XPNPEP2: variants seen among roughly 807,000 people sequenced by gnomAD.
The protein encoded by XPNPEP2 is X-prolyl aminopeptidase 2, also known as xaa-Pro aminopeptidase 2.
Under a neutral mutation model 59.8 loss-of-function variants are expected in XPNPEP2, and 64 were observed. The ratio of observed to expected loss-of-function variants is 1.07; its 90% confidence interval spans 0.87 to 1.32. XPNPEP2 has a LOEUF of 1.32. XPNPEP2 is among the 40% of genes most tolerant of loss of function. The pLI is 0.00. For synonymous variants in XPNPEP2, 235 were observed against 210.0 expected (o/e 1.12, Z -1.03); for missense variants, 575 against 546.8 (o/e 1.05, Z -0.51).
Position 129,755,372 on chromosome X carries a change from G to A in XPNPEP2, c.1295+1G>A. 1 of 1,210,345 alleles carries A rather than the reference G, an allele frequency of 8.3e-7. No individual in the cohort carries two copies. Among genetic ancestry groups the A allele is most frequent in the Non-Finnish European group, 1.1e-6 (1 of 894,454 alleles). ...TGAATGCTGCCCTGGCCCACTACAG[G>A]TACTTGAGGAAAAAGAATTTTCTAG... is the stretch of plus-strand genomic sequence containing the variant. On this transcript the variant is annotated splice_donor_variant, in intron 13 of 20. Transcript: ENST00000371106. LOFTEE classifies it high-confidence loss of function.
intron 8 of XPNPEP2, 40 bp from the exon 9 acceptor site, chrX:129,751,705 C>G (rs778427044): frequency 1.8e-6 from 2 of 1,126,581 alleles, no homozygotes; most frequent in Admixed American, 4.4e-5. Flanking sequence ...TTGCCTCAGG[C>G]AGATCAGCAT....
rs775292549 is a variant in XPNPEP2 at position 129,768,324 on chromosome X, C to T, written c.1864C>T (p.Arg622Trp). ...CCTGAATCGCTACTACCAGACCATC[C>T]GGGAGAAGGTGGGTCCAGAGCTGCA... ...QYLNRYYQTI[R>W]EKVGPELQRR... is the part of the protein sequence containing the mutation. Residue 622 changes from arginine to tryptophan, a missense_variant, in exon 21 of 21, where the codon CGG becomes TGG. Physicochemically the swap from Arg to Trp is moderately radical, Grantham distance 101. Coordinates refer to ENST00000371106, the MANE Select transcript of XPNPEP2 (RefSeq NM_003399.6). 13 of 1,193,825 alleles carry T rather than the reference C, an allele frequency of 1.1e-5. No individual in the cohort carries two copies. The highest frequency in any genetic ancestry group is 2.3e-4 in the Middle Eastern group (1 of 4,284).
rs147270890 is a variant in XPNPEP2, at chrX:129,739,194, C to T, written c.-20C>T. On this transcript the variant is annotated 5_prime_UTR_variant, in exon 1 of 21. Transcript: ENST00000371106. Reference sequence around the variant, plus strand: ...CTCCCTTGTCCCTCCATCCACCCAGCGCCGGCATCTGGAGACCCTATGGCC... The same window carrying T: ...CTCCCTTGTCCCTCCATCCACCCAGTGCCGGCATCTGGAGACCCTATGGCC... 4.2e-6 allele frequency: 5 copies of T among 1,204,412 alleles called. No individual in the cohort carries two copies. The African/African-American group carries it at 7.0e-5, about 17-fold the overall frequency.
intron 2 of XPNPEP2, 100 bp downstream of exon 2, chrX:129,742,281 T>C: frequency 2.5e-6 from 1 of 405,834 alleles, no homozygotes; most frequent in Non-Finnish European, 4.2e-6. Context: ...CGCCCTGCTC[T>C]ATCATCTTCT....
chrX:129,755,365 A>C lies in XPNPEP2; in HGVS notation c.1289A>C (p.His430Pro), dbSNP rs899015902. ...AGTGGTCTGAATGCTGCCCTGGCCC[A>C]CTACAGGTACTTGAGGAAAAAGAAT... is the stretch of plus-strand genomic sequence containing the variant. ...SASGLNAALA[H>P]YSPTKELNRK... Residue 430 changes from histidine to proline, a missense_variant, in exon 13 of 21, where the codon CAC becomes CCC. Physicochemically the swap from His to Pro is moderately conservative, Grantham distance 77. Transcript: ENST00000371106. 1 of 1,209,297 alleles carries C rather than the reference A, an allele frequency of 8.3e-7. No homozygotes were observed. The highest frequency in any genetic ancestry group is 1.1e-6 in the Non-Finnish European group (1 of 894,590).
In XPNPEP2 at chrX:129,768,700, G is replaced by T. The variant is rs1569478183; in HGVS notation, c.*215G>T. 4.3e-5 allele frequency: 14 copies of T among 323,658 alleles called. No individual in the cohort carries two copies. The East Asian group carries it at 6.1e-4, about 14-fold the overall frequency. The allele number at this position is 323,658 out of a possible 1,213,427, so 26.7% of individuals were successfully genotyped here. A position where few individuals can be genotyped will look rare whatever the true frequency, so the allele number is the denominator to read the frequency against. On this transcript the variant is annotated 3_prime_UTR_variant, in exon 21 of 21. Coordinates refer to ENST00000371106, the MANE Select transcript of XPNPEP2 (RefSeq NM_003399.6). ...CAGATGGCACCTCCCTGCACCCCGG[G>T]GTTGTATACCACACCCTGGGCCCCT...
Position 129,754,582 on chromosome X carries a change from G to T in XPNPEP2, c.1217+1G>T. ...CAGAGATCGTGGACAAGTTCCGAGG[G>T]TGAAGAGCCACGGCCGTCCTTTTTG... On this transcript the variant is annotated splice_donor_variant, in intron 12 of 20. Coordinates refer to ENST00000371106, the MANE Select transcript of XPNPEP2 (RefSeq NM_003399.6). LOFTEE classifies it high-confidence loss of function. 2 of 1,178,975 alleles carry T rather than the reference G, an allele frequency of 1.7e-6. No individual in the cohort carries two copies. The highest frequency in any genetic ancestry group is 2.3e-6 in the Non-Finnish European group (2 of 878,330).
intron 12 of XPNPEP2, 121 bp downstream of exon 12, chrX:129,754,702 T>G: frequency 7.8e-6 from 5 of 638,831 alleles, no homozygotes; most frequent in Admixed American, 3.4e-5. Context: ...GCGTGCTGGG[T>G]GGGGGAGGGC....
chrX:129,756,172 C>T (rs1172170394), intron 13 of XPNPEP2, among the ~76,000 whole-genome samples: 1 of 112,678 alleles, frequency 8.9e-6, no homozygotes, highest in African/African-American at 3.2e-5. Flanking sequence ...AGGCCTGCTT[C>T]TCCTTATGGA....
rs1569475933 is a variant in XPNPEP2, at chrX:129,746,676, C to A, written c.485C>A (p.Ser162Tyr). 9.9e-6 allele frequency: 12 copies of A among 1,206,927 alleles called. No homozygotes were observed. The highest frequency in any genetic ancestry group is 1.1e-5 in the Non-Finnish European group (10 of 891,832). Residue 162 changes from serine (S) to tyrosine (Y), a missense_variant, in exon 6 of 21, where the codon TCC becomes TAC. Coordinates refer to ENST00000371106, the MANE Select transcript of XPNPEP2 (RefSeq NM_003399.6). The part of the protein sequence containing the change: ...GRVGFDPFLL[S>Y]IDTWESYDLA... ...GTGGGTTTTGACCCCTTCCTCTTGTCCATTGGTATGCTCTTCCTTCAGTCC... is the reference window on the plus strand; with the variant it reads ...GTGGGTTTTGACCCCTTCCTCTTGTACATTGGTATGCTCTTCCTTCAGTCC...
intron 2 of XPNPEP2, among the ~76,000 whole-genome samples, chrX:129,742,770 C>T (rs777009137): frequency 9.0e-6 from 1 of 111,533 alleles, no homozygotes; most frequent in East Asian, 2.8e-4. Flanking sequence ...GGCATGGTGG[C>T]GGGTGCCTGT....
At position 129,755,320 on chromosome X, in the gene XPNPEP2, G is replaced by C; in HGVS notation, c.1244G>C (p.Ser415Thr). The C allele has an allele frequency of 8.3e-7, 1 of 1,212,033 alleles. No individual in the cohort carries two copies. The highest frequency in any genetic ancestry group is 1.1e-6 in the Non-Finnish European group (1 of 895,514). ...GAAGAACAGTTCTCCTCCGGACCCA[G>C]TTTTGAAACCATCTCTGCTAGTGGT... ...RGEEQFSSGP[S>T]FETISASGLN... Residue 415 changes from serine (S) to threonine (T), a missense_variant, in exon 13 of 21, where the codon AGT (serine) becomes ACT (threonine). Ser to Thr is a moderately conservative substitution (Grantham distance 58). Coordinates refer to ENST00000371106, the MANE Select transcript of XPNPEP2 (RefSeq NM_003399.6).
chrX:129,763,421 A>G (rs943355010), intron 19 of XPNPEP2, among the ~76,000 whole-genome samples: 8 of 112,254 alleles, frequency 7.1e-5, no homozygotes, highest in African/African-American at 2.6e-4. Context: ...TAATCCCAGC[A>G]CTCTGGGAGG....
chrX:129,754,608 GCTGA>G (rs745896887), intron 12 of XPNPEP2, 27 bp downstream of exon 12: 2 of 1,147,869 alleles, frequency 1.7e-6, no homozygotes, highest in Non-Finnish European at 2.3e-6. Flanking sequence ...GTCCTTTTTG[GCTGA>G]CTGTCTTTTA....
chrX:129,757,850 A>AGAAG (rs1926564468), intron 14 of XPNPEP2, among the ~76,000 whole-genome samples: 1 of 84,766 alleles, frequency 1.2e-5, no homozygotes, highest in African/African-American at 5.3e-5. Flanking sequence ...AAAGAAAGAA[A>AGAAG]GAAAGAAAGA....
rs769248532 is a variant in XPNPEP2, at chrX:129,739,121, G to A, written c.-93G>A. 2.1e-6 allele frequency: 2 copies of A among 964,579 alleles called. No individual in the cohort carries two copies. The highest frequency in any genetic ancestry group is 1.9e-5 in the African/African-American group (1 of 51,755). 79.5% of individuals were successfully genotyped at this position (964,579 alleles called of 1,213,427 possible). A position where few individuals can be genotyped will look rare whatever the true frequency, so the allele number is the denominator to read the frequency against. ...CAGCCCCCACCCTCTGTCTGCTCGA[G>A]CCCAGGAAAGGCCTGAAGGAAGAGG... On this transcript the variant is annotated 5_prime_UTR_variant, in exon 1 of 21. Coordinates refer to ENST00000371106, the MANE Select transcript of XPNPEP2 (RefSeq NM_003399.6).
intron 12 of XPNPEP2, 126 bp from the exon 13 acceptor site, chrX:129,755,168 G>A: frequency 1.6e-6 from 1 of 608,575 alleles, no homozygotes; most frequent in Non-Finnish European, 2.6e-6. Context: ...AGGGCTGGGA[G>A]AGCCAAATGG....
intron 8 of XPNPEP2, among the ~76,000 whole-genome samples, 171 bp from the exon 9 acceptor site, chrX:129,751,571 AAAG>A (rs1411743315): frequency 1.3e-5 from 1 of 75,634 alleles, no homozygotes; most frequent in Non-Finnish European, 2.5e-5. Flanking sequence ...AGAAAGAAAG[AAAG>A]AAAGAAAGAA....
intron 2 of XPNPEP2, 91 bp downstream of exon 2, chrX:129,742,272 G>T (rs945044893): frequency 4.7e-6 from 2 of 427,621 alleles, no homozygotes; most frequent in East Asian, 4.9e-5. Flanking sequence ...CAGCACCCCC[G>T]CCCTGCTCTA....
Sources: gnomAD v4.1 joint callset for allele counts (sites outside exome capture counted in the v4.1 genomes callset) on GRCh38, gnomAD v4.1.1 for gene constraint, MANE v1.5 for transcripts, NCBI Gene and HGNC (gene_info 2026-07-23, HGNC 2026-07-21) for gene names.